Variants in MYOT observed in about 807,000 individuals in gnomAD.
MYOT encodes myotilin, also known as 57 kDa cytoskeletal protein.
In MYOT, 36 loss-of-function variants were observed where a neutral mutation model predicts 58.0. The ratio of observed to expected loss-of-function variants is 0.62; its 90% CI spans 0.48 to 0.82. MYOT has a LOEUF of 0.82. MYOT is among the 40% of genes least tolerant of loss of function. The pLI is 0.00. For missense variants in MYOT, 505 were observed against 592.1 expected, an observed-to-expected ratio of 0.85 and a Z score of 1.53; for synonymous variants, 218 against 204.6, an observed-to-expected ratio of 1.07 and a Z score of -0.56.
intron 7 of MYOT, among the ~76,000 whole-genome samples, chr5:137,884,447 A>G (rs1246715548): frequency 6.6e-6 from 1 of 152,196 alleles, no homozygotes; most frequent in Non-Finnish European, 1.5e-5. Context: ...TATAACCAAA[A>G]CAGGCCTACT....
chr5:137,871,532 A>T (rs758024094), intron 2 of MYOT, among the ~76,000 whole-genome samples: 5 of 152,218 alleles, frequency 3.3e-5, no homozygotes, highest in Admixed American at 6.5e-5. Context: ...ATTAACAAAT[A>T]AAAAAACCTG....
rs1431345009 is a variant in MYOT at position 137,870,770 on chromosome 5, T to C, written c.119T>C (p.Ile40Thr). 5 of 1,614,074 alleles carry C rather than the reference T, an allele frequency of 3.1e-6. No individual in the cohort carries two copies. Among genetic ancestry groups the C allele is most frequent in the East Asian group, 2.2e-5 (1 of 44,898 alleles). ...TCTAGCCAGACCAAACAGTCTTCCA[T>C]TATCATCCAGCCCCGCCAGTGTACA... ...SFSSQTKQSS[I>T]IIQPRQCTEQ... The change falls in exon 2 of 10, where the codon ATT becomes ACT. Residue 40 changes from isoleucine (I) to threonine (T), a missense_variant. Transcript: ENST00000239926.
intron 4 of MYOT, among the ~76,000 whole-genome samples, chr5:137,879,208 T>C (rs1755333490): frequency 6.6e-6 from 1 of 152,104 alleles, no homozygotes; most frequent in South Asian, 2.1e-4. Context: ...AGTGCTGGGA[T>C]TACAGGCATG....
At position 137,872,047 on chromosome 5, in the gene MYOT, A is replaced by G. The variant is rs1580848957; in HGVS notation, c.356+1040A>G. On this transcript the variant is annotated intron_variant, in intron 2 of 9. Transcript: ENST00000239926. ...AAATCTAGTTGAACTGCCTATAGCA[A>G]TTCAACTTGCAAAAAAAAACCTTTT... is the stretch of plus-strand genomic sequence containing the variant. 2.0e-5 allele frequency among the ~76,000 whole-genome samples: 3 copies of G among 152,286 alleles called. No individual in the cohort carries two copies. The South Asian group carries it at 6.2e-4, about 32-fold the overall frequency.
intron 6 of MYOT, chr5:137,883,044 G>A: frequency 3.7e-6 from 1 of 269,894 alleles, no homozygotes; most frequent in Non-Finnish European, 7.1e-6. Context: ...TTCATTTGCA[G>A]TCACATTTAG....
Position 137,877,522 on chromosome 5 carries a change from TC to T in MYOT, c.535del (p.Leu179Ter), listed in dbSNP as rs1755269337. 2 of 1,607,244 alleles carry T rather than the reference TC, an allele frequency of 1.2e-6. No homozygotes were observed. On this transcript the variant is annotated frameshift_variant, in exon 4 of 10. Transcript: ENST00000239926. LOFTEE classifies it high-confidence loss of function. ...CTGTCTCAATAAATTCTCTAAAGCG[TC>T]TAACATATGAAGAGAAGATGGCTCG... is the stretch of plus-strand genomic sequence containing the variant. Reference protein sequence around the residue: ...DTLLHNGNQRLTYEEKMARRL... With the variant: ...DTLLHNGNQRXTYEEKMARRL...
At chr5:137,871,672 G>C (rs1231913597) in intron 2 of MYOT, among the ~76,000 whole-genome samples, 1 of 152,184 alleles carries the variant, frequency 6.6e-6, no homozygotes, top group Admixed American at 6.5e-5. Context: ...AATTAGTTGG[G>C]TTGATCTAAA....
In MYOT at chr5:137,886,045, T is replaced by C. The variant is rs1410370327; in HGVS notation, c.1025-3T>C. On this transcript the variant is annotated splice_polypyrimidine_tract_variant and splice_region_variant and intron_variant, in intron 7 of 9. Coordinates refer to ENST00000239926, the MANE Select transcript of MYOT (RefSeq NM_006790.3). Reference sequence around the variant, plus strand: ...ATACTTGAATTTTTGTATTAATATATAGCAAAAGAACATAAAAGAGCACCA... The same window carrying C: ...ATACTTGAATTTTTGTATTAATATACAGCAAAAGAACATAAAAGAGCACCA... 3.8e-6 allele frequency: 6 copies of C among 1,561,236 alleles called. No homozygotes were observed. The highest frequency in any genetic ancestry group is 1.7e-5 in the Admixed American group (1 of 59,554).
intron 4 of MYOT, 83 bp downstream of exon 4, chr5:137,877,704 T>A (rs1755277849): frequency 2.0e-6 from 2 of 1,025,474 alleles, no homozygotes; most frequent in Admixed American, 1.8e-5. Context: ...ATAAATAGCA[T>A]CTGAAATAAA....
Position 137,883,389 on chromosome 5 carries a change from T to C in MYOT, c.822T>C (p.Ser274=), listed in dbSNP as rs138678049. ...GRFCRMDFKV[S]GLPAPDVSWY... ...CCTTGTGTTTTTCTTTCTAGGTGAGTGGACTGCCAGCTCCTGATGTGTCAT... is the reference window on the plus strand; with the variant it reads ...CCTTGTGTTTTTCTTTCTAGGTGAGCGGACTGCCAGCTCCTGATGTGTCAT... The change falls in exon 7 of 10, where the codon AGT becomes AGC. Residue 274 remains serine, a synonymous_variant. Transcript: ENST00000239926. The C allele has an allele frequency of 3.4e-4, 545 of 1,613,996 alleles. 4 individuals carry two copies. In the African/African-American group the frequency reaches 6.8e-3, roughly 20 times the overall value.
At position 137,877,638 on chromosome 5, in the gene MYOT, T is replaced by C. The variant is rs1214958466; in HGVS notation, c.633+17T>C. ...GACTCGCAGGTAAGTTAAAATGCTC[T>C]AAGTGGAGTATTTTTATTCTGTGCG... On this transcript the variant is annotated intron_variant, in intron 4 of 9. Coordinates refer to ENST00000239926, the MANE Select transcript of MYOT (RefSeq NM_006790.3). 2 of 1,499,880 alleles carry C rather than the reference T, an allele frequency of 1.3e-6. No individual in the cohort carries two copies. Among genetic ancestry groups the C allele is most frequent in the South Asian group, 2.3e-5 (2 of 88,750 alleles). 92.9% of individuals were successfully genotyped at this position (1,499,880 alleles called of 1,614,324 possible). A position where few individuals can be genotyped will look rare whatever the true frequency, so the allele number is the denominator to read the frequency against.
intron 7 of MYOT, among the ~76,000 whole-genome samples, chr5:137,885,707 G>C (rs889934715): frequency 6.9e-6 from 1 of 145,446 alleles, no homozygotes; most frequent in African/African-American, 2.6e-5. Context: ...GGGAGGCGGA[G>C]GTTGCAGTGA....
intron 4 of MYOT, chr5:137,880,577 T>C (rs568528006): frequency 7.1e-6 from 3 of 422,594 alleles, no homozygotes; most frequent in African/African-American, 4.1e-5. Context: ...ATTCCAAGTC[T>C]AGCTAATTTT....
chr5:137,887,116 G>T, intron 9 of MYOT, 97 bp from the exon 10 acceptor site: 8 of 1,563,076 alleles, frequency 5.1e-6, no homozygotes, highest in South Asian at 1.1e-5. Flanking sequence ...AATCAGTTTT[G>T]GTTCTTTTTT....
chr5:137,880,854 A>C lies in MYOT; in HGVS notation c.672A>C (p.Thr224=). ...NSEHARLQVP[T]SQVRSRSTSR... ...AACATGCGCGACTGCAAGTTCCTACATCACAAGTAAGGTAAAAAATTTTAA... is the reference window on the plus strand; with the variant it reads ...AACATGCGCGACTGCAAGTTCCTACCTCACAAGTAAGGTAAAAAATTTTAA... The change falls in exon 5 of 10, where the codon ACA becomes ACC. Residue 224 remains threonine (T), a synonymous_variant. Coordinates refer to ENST00000239926, the MANE Select transcript of MYOT (RefSeq NM_006790.3). 1.9e-6 allele frequency: 3 copies of C among 1,609,702 alleles called. No individual in the cohort carries two copies. The highest frequency in any genetic ancestry group is 2.6e-6 in the Non-Finnish European group (3 of 1,176,376).
rs1330592195 is a variant in MYOT, at chr5:137,881,298, G to A, written c.683+433G>A. ...CTAATAGTCATCAAATATGCCACAG[G>A]TAAATACAGCCCTAAGGCCTCTCTT... is the stretch of plus-strand genomic sequence containing the variant. On this transcript the variant is annotated intron_variant, in intron 5 of 9. Transcript: ENST00000239926. Among the ~76,000 whole-genome samples the A allele has an allele frequency of 2.0e-5, 3 of 152,176 alleles. No individual in the cohort carries two copies. The East Asian group carries it at 5.8e-4, about 29-fold the overall frequency.
Position 137,886,161 on chromosome 5 carries a change from C to G in MYOT, c.1138C>G (p.Leu380Val), listed in dbSNP as rs1252106633. Residue 380 changes from leucine (L) to valine (V), a missense_variant, in exon 8 of 10, where the codon CTT becomes GTT. Physicochemically the swap from Leu to Val is conservative, Grantham distance 32. Transcript: ENST00000239926. ...GATCTCGGCTATACCTCCACCAAAG[C>G]TTTTCTGGAAAAGAAATAATGAAAT... Reference protein sequence around the residue: ...CQISAIPPPKLFWKRNNEMVQ... With the variant: ...CQISAIPPPKVFWKRNNEMVQ... The G allele has an allele frequency of 1.2e-6, 2 of 1,612,270 alleles. No homozygotes were observed. The highest frequency in any genetic ancestry group is 1.7e-6 in the Non-Finnish European group (2 of 1,178,824).
rs772599199 is a variant in MYOT, at chr5:137,870,676, C to T, written c.25C>T (p.His9Tyr). 3.1e-6 allele frequency: 5 copies of T among 1,614,194 alleles called. No homozygotes were observed. The South Asian group carries it at 4.4e-5, about 14-fold the overall frequency. The change falls in exon 2 of 10, where the codon CAC becomes TAC. Residue 9 changes from histidine to tyrosine, a missense_variant. By Grantham distance (83) the His-to-Tyr change is moderately conservative. Coordinates refer to ENST00000239926, the MANE Select transcript of MYOT (RefSeq NM_006790.3). ...CATGTTTAACTACGAACGTCCAAAACACTTCATCCAGTCCCAAAACCCATG... is the reference window on the plus strand; with the variant it reads ...CATGTTTAACTACGAACGTCCAAAATACTTCATCCAGTCCCAAAACCCATG... MFNYERPK[H>Y]FIQSQNPCGS... is the part of the protein sequence containing the mutation.
intron 4 of MYOT, among the ~76,000 whole-genome samples, chr5:137,879,139 T>C (rs917212224): frequency 6.6e-6 from 1 of 152,162 alleles, no homozygotes. Context: ...TTTCACCATG[T>C]TACCCAGGCT....
Sources: gnomAD v4.1 joint callset for allele counts (sites outside exome capture counted in the v4.1 genomes callset) on GRCh38, gnomAD v4.1.1 for gene constraint, MANE v1.5 for transcripts, NCBI Gene and HGNC (gene_info 2026-07-23, HGNC 2026-07-21) for gene names.